Variants in AFG2A observed in about 807,000 individuals in gnomAD.
AFG2A encodes ATPase family gene 2 protein homolog A.
the AFG2A span, among the ~76,000 whole-genome samples, chr4:123,268,643 A>G: frequency 6.6e-6 from 1 of 152,242 alleles, no homozygotes; most frequent in Non-Finnish European, 1.5e-5. Context: ...TTTCCAACCT[A>G]GAGTTCTATA....
chr4:122,934,090 T>C, the AFG2A span: 14 of 1,581,582 alleles, frequency 8.9e-6, no homozygotes, highest in Admixed American at 2.3e-4. Context: ...AATATACTGT[T>C]TTCTAGATGG....
chr4:122,923,293 T>G, the AFG2A span: 1 of 1,613,832 alleles, frequency 6.2e-7, no homozygotes, highest in Non-Finnish European at 8.5e-7. Flanking sequence ...GGTGACCAAC[T>G]TATTAGAAAA....
the AFG2A span, among the ~76,000 whole-genome samples, chr4:123,156,185 T>G: frequency 6.6e-6 from 1 of 152,198 alleles, no homozygotes; most frequent in African/African-American, 2.4e-5. Flanking sequence ...GTGTTTAGTT[T>G]GCAAGTTTAT....
At chr4:122,934,474 T>C in the AFG2A span, 1 of 1,614,108 alleles carries the variant, frequency 6.2e-7, no homozygotes, top group Admixed American at 1.7e-5. Flanking sequence ...TAATTTTGAA[T>C]CTGCCAGAGA....
At chr4:122,933,545 C>A in the AFG2A span, 1 of 1,499,802 alleles carries the variant, frequency 6.7e-7, no homozygotes, top group Non-Finnish European at 9.2e-7. Flanking sequence ...AGCTGCAAGG[C>A]ATCAGCAAAT....
chr4:123,226,742 A>G, the AFG2A span, among the ~76,000 whole-genome samples: 1 of 152,184 alleles, frequency 6.6e-6, no homozygotes, highest in Non-Finnish European at 1.5e-5. Flanking sequence ...GTTAGGAAGG[A>G]TTCCCTCTCT....
chr4:123,262,510 C>G, the AFG2A span, among the ~76,000 whole-genome samples: 4 of 152,332 alleles, frequency 2.6e-5, no homozygotes, highest in Middle Eastern at 6.8e-3. Flanking sequence ...ACACAACGTT[C>G]TTTGAAACTT....
At chr4:123,290,878 C>T in the AFG2A span, among the ~76,000 whole-genome samples, 3 of 152,308 alleles carry the variant, frequency 2.0e-5, no homozygotes, top group African/African-American at 4.8e-5. Flanking sequence ...GATCCATCTA[C>T]TGCTGTTGGT....
chr4:123,088,214 C>T, the AFG2A span, among the ~76,000 whole-genome samples: 1 of 152,110 alleles, frequency 6.6e-6, no homozygotes, highest in Non-Finnish European at 1.5e-5. Context: ...CCTCCTTTCA[C>T]CCTTTGCTTG....
At chr4:123,275,015 T>C in the AFG2A span, among the ~76,000 whole-genome samples, 1 of 152,192 alleles carries the variant, frequency 6.6e-6, no homozygotes, top group African/African-American at 2.4e-5. Context: ...GGAAAAAGTT[T>C]GTGTTCTGAT....
the AFG2A span, among the ~76,000 whole-genome samples, chr4:123,156,820 G>GT: frequency 4.6e-4 from 69 of 149,220 alleles, no homozygotes; most frequent in African/African-American, 1.2e-3. Flanking sequence ...CATGCTGATA[G>GT]TTTTTTTTTG....
chr4:123,254,982 T>A, the AFG2A span, among the ~76,000 whole-genome samples: 4 of 152,166 alleles, frequency 2.6e-5, no homozygotes, highest in East Asian at 5.8e-4. Flanking sequence ...TTTTTTTTTT[T>A]AAATGGAGTC....
the AFG2A span, among the ~76,000 whole-genome samples, chr4:123,182,355 C>T: frequency 6.6e-6 from 1 of 152,138 alleles, no homozygotes; most frequent in Non-Finnish European, 1.5e-5. Flanking sequence ...TAAGGTAAGT[C>T]AGTAGCTTTT....
chr4:123,286,382 T>C, the AFG2A span, among the ~76,000 whole-genome samples: 1 of 152,232 alleles, frequency 6.6e-6, no homozygotes, highest in African/African-American at 2.4e-5. Flanking sequence ...GAAGTAATTA[T>C]TTTTAAAAGA....
chr4:122,945,416 G>A, the AFG2A span, among the ~76,000 whole-genome samples: 5,126 of 152,286 alleles, frequency 0.034, 279 homozygotes, highest in African/African-American at 0.12. Context: ...CTAGCAATCA[G>A]CGAGACTCCG....
chr4:123,216,730 G>A, the AFG2A span, among the ~76,000 whole-genome samples: 1 of 150,564 alleles, frequency 6.6e-6, no homozygotes, highest in Non-Finnish European at 1.5e-5. Flanking sequence ...CAGTGGTGCA[G>A]TCATAGTTCA....
chr4:123,306,356 T>C, the AFG2A span, among the ~76,000 whole-genome samples: 1 of 152,136 alleles, frequency 6.6e-6, no homozygotes, highest in Non-Finnish European at 1.5e-5. Flanking sequence ...GAAAGAAAAT[T>C]TGTGACATGT....
the AFG2A span, among the ~76,000 whole-genome samples, chr4:123,142,691 CCAACAG>C: frequency 3.5e-4 from 53 of 152,088 alleles, no homozygotes; most frequent in African/African-American, 1.3e-3. Flanking sequence ...GGTTAATCTC[CCAACAG>C]CTGGAAAACC....
the AFG2A span, among the ~76,000 whole-genome samples, chr4:123,216,634 CT>C: frequency 6.6e-6 from 1 of 150,596 alleles, no homozygotes. Flanking sequence ...CCCCAAACTG[CT>C]AACAGAGCCA....
Sources: gnomAD v4.1 joint callset for allele counts (sites outside exome capture counted in the v4.1 genomes callset) on GRCh38, gnomAD v4.1.1 for gene constraint, MANE v1.5 for transcripts, NCBI Gene and HGNC (gene_info 2026-07-23, HGNC 2026-07-21) for gene names.